Variants in CYLD observed in about 807,000 individuals in gnomAD.
The protein encoded by CYLD is CYLD lysine 63 deubiquitinase.
In CYLD, 26 loss-of-function variants were observed where a neutral mutation model predicts 104.5. The ratio of observed to expected loss-of-function variants is 0.25; its 90% CI spans 0.18 to 0.35. CYLD has a LOEUF of 0.35. Among genes scored for constraint, CYLD ranks in the 10% least tolerant of loss-of-function variants. The probability of loss-of-function intolerance (pLI) is 1.00; values close to 1 mark genes in which losing one functional copy is unlikely to be tolerated. For missense variants in CYLD, 703 were observed against 1,136.1 expected (o/e 0.62, Z 5.48); for synonymous variants, 385 against 399.9 (o/e 0.96, Z 0.45).
chr16:50,767,954 C>T (rs1968701057), intron 5 of CYLD, among the ~76,000 whole-genome samples: 2 of 152,106 alleles, frequency 1.3e-5, no homozygotes, highest in Non-Finnish European at 1.5e-5. Flanking sequence ...ATCTTAAAAA[C>T]ATTTACGGTT....
intron 14 of CYLD, among the ~76,000 whole-genome samples, chr16:50,788,066 A>G (rs771824454): frequency 2.0e-5 from 3 of 152,346 alleles, no homozygotes; most frequent in Non-Finnish European, 4.4e-5. Flanking sequence ...ATGTAAATTT[A>G]TACTACAATT....
intron 8 of CYLD, chr16:50,778,144 A>C: frequency 2.0e-6 from 1 of 509,308 alleles, no homozygotes; most frequent in Non-Finnish European, 3.5e-6. Context: ...ATGTATTAGT[A>C]ATTTGTTCTT....
At chr16:50,782,794 G>A (rs1055293400) in intron 11 of CYLD, among the ~76,000 whole-genome samples, 1 of 151,748 alleles carries the variant, frequency 6.6e-6, no homozygotes, top group Non-Finnish European at 1.5e-5. Flanking sequence ...TGGCTGTTAT[G>A]TGCTGTATTT....
intron 5 of CYLD, among the ~76,000 whole-genome samples, chr16:50,767,040 G>A (rs985471884): frequency 6.6e-6 from 1 of 152,202 alleles, no homozygotes; most frequent in Non-Finnish European, 1.5e-5. Flanking sequence ...CTATCAAGCA[G>A]TATCACATGC....
In CYLD at chr16:50,750,010, C is replaced by T. The variant is rs748011223; in HGVS notation, c.312C>T (p.Thr104=). The change falls in exon 3 of 19, where the codon ACC becomes ACT. Residue 104 remains threonine, a synonymous_variant. Coordinates refer to ENST00000427738, the MANE Select transcript of CYLD (RefSeq NM_001378743.1). The part of the protein sequence containing the change: ...EKFTELLLAI[T]NCEERFSLFK... ...TCACAGAGTTACTTTTGGCAATTAC[C>T]AATTGTGAGGAGAGGTTCAGCCTGT... is the stretch of plus-strand genomic sequence containing the variant. 1 of 1,614,010 alleles carries T rather than the reference C, an allele frequency of 6.2e-7. No homozygotes were observed. Among genetic ancestry groups the T allele is most frequent in the Non-Finnish European group, 8.5e-7 (1 of 1,179,962 alleles).
intron 18 of CYLD, among the ~76,000 whole-genome samples, chr16:50,795,977 G>T (rs931061804): frequency 2.0e-5 from 3 of 152,180 alleles, no homozygotes; most frequent in African/African-American, 7.2e-5. Flanking sequence ...GAAGTGTGCT[G>T]GGTGGCTTGT....
In CYLD at chr16:50,794,279, A is replaced by T; in HGVS notation, c.2537A>T (p.Asp846Val). ...NPVSLPKDLPDWDWRHGCIPC... is the reference protein window; with the variant it reads ...NPVSLPKDLPVWDWRHGCIPC... Reference sequence around the variant, plus strand: ...GTGTCACTTCCCAAAGACTTACCCGACTGGGACTGGAGACACGGCTGCATC... The same window carrying T: ...GTGTCACTTCCCAAAGACTTACCCGTCTGGGACTGGAGACACGGCTGCATC... The change falls in exon 18 of 19, where the codon GAC becomes GTC. Residue 846 changes from aspartate to valine, a missense_variant. Coordinates refer to ENST00000427738, the MANE Select transcript of CYLD (RefSeq NM_001378743.1). This position sits in a 1 kb window ranked among gnomAD's most constrained non-coding sequence, Gnocchi z 4.1. The T allele has an allele frequency of 6.2e-7, 1 of 1,614,130 alleles. No individual in the cohort carries two copies. Among genetic ancestry groups the T allele is most frequent in the Non-Finnish European group, 8.5e-7 (1 of 1,180,008 alleles).
At chr16:50,773,228 A>T (rs1298257828) in intron 5 of CYLD, among the ~76,000 whole-genome samples, 1 of 152,232 alleles carries the variant, frequency 6.6e-6, no homozygotes, top group Non-Finnish European at 1.5e-5. Flanking sequence ...GATTTGAACA[A>T]TAACTTGTTC....
In CYLD at chr16:50,799,104, C is replaced by A; in HGVS notation, c.*2596C>A. ...ATGTGCCTGCTGGTTATTTAATTTT[C>A]AGCCTTAAGTTTTCTTTAATATTTT... On this transcript the variant is annotated 3_prime_UTR_variant, in exon 19 of 19. Transcript: ENST00000427738. 3 of 233,390 alleles carry A rather than the reference C, an allele frequency of 1.3e-5. No homozygotes were observed. The highest frequency in any genetic ancestry group is 2.5e-5 in the Non-Finnish European group (3 of 118,050). 14.5% of individuals were successfully genotyped at this position (233,390 alleles called of 1,614,324 possible). A position where few individuals can be genotyped will look rare whatever the true frequency, so the allele number is the denominator to read the frequency against.
intron 5 of CYLD, among the ~76,000 whole-genome samples, chr16:50,756,357 A>G (rs1967242295): frequency 6.6e-6 from 1 of 152,188 alleles, no homozygotes; most frequent in Admixed American, 6.5e-5. Context: ...AATCTAATCT[A>G]ATGTACTGTG....
At chr16:50,756,842 A>G (rs1302466796) in intron 5 of CYLD, among the ~76,000 whole-genome samples, 2 of 152,170 alleles carry the variant, frequency 1.3e-5, no homozygotes, top group Admixed American at 1.3e-4. Flanking sequence ...ATGGACAACA[A>G]TTACCAAAAT....
Position 50,755,133 on chromosome 16 carries a change from ACACGTGTACATATGTGTG to A in CYLD, c.913+710_913+727del, listed in dbSNP as rs1967008024. ...CACATATACACATGTGTATATATACACACGTGTACATATGTGTGTATATACACACGTGTACATATGTGT... is the reference window on the plus strand; with the variant it reads ...CACATATACACATGTGTATATATACATATATACACACGTGTACATATGTGT... On this transcript the variant is annotated intron_variant, in intron 5 of 18. Transcript: ENST00000427738. Among the ~76,000 whole-genome samples the A allele has an allele frequency of 3.7e-5, 5 of 134,866 alleles. 1 individual carries two copies. The highest frequency in any genetic ancestry group is 3.7e-3 in the Middle Eastern group (1 of 270). 88.5% of individuals were successfully genotyped at this position (134,866 alleles called of 152,430 possible).
At chr16:50,795,942 A>C (rs2160683) in intron 18 of CYLD, among the ~76,000 whole-genome samples, 4 of 151,788 alleles carry the variant, frequency 2.6e-5, no homozygotes, top group African/African-American at 9.7e-5. Flanking sequence ...GACTAGATCT[A>C]TTCCAAATTG....
intron 4 of CYLD, among the ~76,000 whole-genome samples, chr16:50,753,066 A>G (rs1222584699): frequency 2.6e-5 from 4 of 152,154 alleles, no homozygotes; most frequent in Admixed American, 6.6e-5. Flanking sequence ...CTGCTCAGGT[A>G]TACTTTTTGG....
In CYLD at chr16:50,797,106, G is replaced by A. The variant is rs1308851358; in HGVS notation, c.*598G>A. ...AAAATACTTAAATTCCCTTAATGGT[G>A]TTGTTTTCTATTTGTTCTGGTTTTG... is the stretch of plus-strand genomic sequence containing the variant. On this transcript the variant is annotated 3_prime_UTR_variant, in exon 19 of 19. Coordinates refer to ENST00000427738, the MANE Select transcript of CYLD (RefSeq NM_001378743.1). The A allele has an allele frequency of 4.3e-6, 1 of 234,112 alleles. No individual in the cohort carries two copies. Among genetic ancestry groups the A allele is most frequent in the African/African-American group, 2.2e-5 (1 of 45,310 alleles). 14.5% of individuals were successfully genotyped at this position (234,112 alleles called of 1,614,324 possible). A position where few individuals can be genotyped will look rare whatever the true frequency, so the allele number is the denominator to read the frequency against.
intron 2 of CYLD, among the ~76,000 whole-genome samples, chr16:50,747,446 A>C (rs1441322682): frequency 6.6e-6 from 1 of 152,240 alleles, no homozygotes; most frequent in African/African-American, 2.4e-5. Context: ...GCCTTTTAAC[A>C]AAATAACAGC....
At chr16:50,786,647 C>G in intron 12 of CYLD, 1 of 499,668 alleles carries the variant, frequency 2.0e-6, no homozygotes, top group Non-Finnish European at 3.6e-6. Flanking sequence ...GTAATTCCAG[C>G]TACTTTGGTG....
rs1186711343 is a variant in CYLD at position 50,779,731 on chromosome 16, T to A, written c.1205T>A (p.Leu402His). The A allele has an allele frequency of 6.2e-7, 1 of 1,613,856 alleles. No homozygotes were observed. Among genetic ancestry groups the A allele is most frequent in the Non-Finnish European group, 8.5e-7 (1 of 1,179,958 alleles). ...STDFDRSSPP[L>H]QPPPVNSLTT... ...GACTTTGACCGTTCTTCACCACCAC[T>A]CCAGCCTCCTCCTGTGAACTCACTG... is the stretch of plus-strand genomic sequence containing the variant. Residue 402 changes from leucine (L) to histidine (H), a missense_variant, in exon 9 of 19, where the codon CTC (leucine) becomes CAC (histidine). Around this residue, in one of 5 missense-constraint regions of CYLD, gnomAD observed 183 missense variants for 212.1 expected, o/e 0.86. Coordinates refer to ENST00000427738, the MANE Select transcript of CYLD (RefSeq NM_001378743.1).
chr16:50,762,971 A>G lies in CYLD; in HGVS notation c.913+8547A>G, dbSNP rs561730433. On this transcript the variant is annotated intron_variant, in intron 5 of 18. Transcript: ENST00000427738. Reference sequence around the variant, plus strand: ...GTGCAATTGTCAAGATAATTTTAGAACATTTTCATCACCTCTAAAAGAAAC... The same window carrying G: ...GTGCAATTGTCAAGATAATTTTAGAGCATTTTCATCACCTCTAAAAGAAAC... Among the ~76,000 whole-genome samples, 57 of 152,290 alleles carry G rather than the reference A, an allele frequency of 3.7e-4. 1 individual carries two copies. The highest frequency in any genetic ancestry group is 1.3e-3 in the African/African-American group (53 of 41,560).
Sources: gnomAD v4.1 joint callset for allele counts (sites outside exome capture counted in the v4.1 genomes callset) on GRCh38, gnomAD v4.1.1 for gene constraint, gnomAD v4.1.1 regional missense constraint, Gnocchi (gnomAD v3.1) non-coding constraint, MANE v1.5 for transcripts, NCBI Gene and HGNC (gene_info 2026-07-23, HGNC 2026-07-21) for gene names.